Variants in PCLO observed in about 807,000 individuals in gnomAD.
PCLO encodes the protein protein piccolo.
PCLO carries 82 observed loss-of-function variants against 427.5 expected under a neutral mutation model. That is an observed-to-expected ratio of 0.19 (90% CI 0.16 to 0.23). PCLO has a LOEUF of 0.23. Among genes scored for constraint, PCLO ranks in the 10% least tolerant of loss-of-function variants. The pLI is 1.00. For synonymous variants in PCLO, 2,357 were observed against 2,155.4 expected (o/e 1.09, Z -2.59); for missense variants, 6,239 against 6,115.9 (o/e 1.02, Z -0.67).
chr7:82,923,139 A>G (rs937831928), intron 6 of PCLO, among the ~76,000 whole-genome samples: 3 of 152,042 alleles, frequency 2.0e-5, no homozygotes, highest in Non-Finnish European at 4.4e-5. Flanking sequence ...ATGTATATGT[A>G]TTGGGAACTG....
At chr7:83,124,597 A>G (rs1328557793) in intron 3 of PCLO, among the ~76,000 whole-genome samples, 3 of 152,182 alleles carry the variant, frequency 2.0e-5, no homozygotes, top group Admixed American at 6.5e-5. Context: ...TATGGAGAAT[A>G]GTATGGAAGT....
intron 3 of PCLO, among the ~76,000 whole-genome samples, chr7:82,986,975 TA>T (rs1796269602): frequency 6.6e-6 from 1 of 151,980 alleles, no homozygotes; most frequent in South Asian, 2.1e-4. Context: ...TTACAATCTC[TA>T]TTAAACATCT....
intron 23 of PCLO, 77 bp from the exon 24 acceptor site, chr7:82,760,861 A>G (rs1790416496): frequency 1.6e-6 from 1 of 632,316 alleles, no homozygotes; most frequent in Non-Finnish European, 2.4e-6. Context: ...CTGTATACTG[A>G]GAGTTCTTGT....
At chr7:82,936,905 G>A (rs917672185) in intron 6 of PCLO, among the ~76,000 whole-genome samples, 6 of 151,652 alleles carry the variant, frequency 4.0e-5, no homozygotes, top group Non-Finnish European at 7.4e-5. Flanking sequence ...ACAAAAGGCC[G>A]AATACTGTAT....
intron 10 of PCLO, among the ~76,000 whole-genome samples, chr7:82,858,698 A>G (rs1792872582): frequency 6.6e-6 from 1 of 152,182 alleles, no homozygotes; most frequent in South Asian, 2.1e-4. Flanking sequence ...TGAAAAAGAA[A>G]TTTTGAAATA....
intron 9 of PCLO, among the ~76,000 whole-genome samples, chr7:82,899,664 A>T (rs1793993520): frequency 6.6e-6 from 1 of 151,488 alleles, no homozygotes; most frequent in Non-Finnish European, 1.5e-5. Context: ...AAAAAATAAC[A>T]TTTTCTTTTT....
chr7:83,106,073 A>G (rs1386213912), intron 3 of PCLO, among the ~76,000 whole-genome samples: 4 of 152,212 alleles, frequency 2.6e-5, no homozygotes, highest in Non-Finnish European at 4.4e-5. Flanking sequence ...ATGCAGAAGC[A>G]GCCATGCAAG....
chr7:82,832,147 GT>G (rs1381398072), intron 16 of PCLO, among the ~76,000 whole-genome samples: 3 of 152,152 alleles, frequency 2.0e-5, no homozygotes, highest in East Asian at 3.8e-4. Context: ...AATTAAAGAA[GT>G]TTATTAATAA....
intron 9 of PCLO, among the ~76,000 whole-genome samples, chr7:82,887,115 C>A (rs1793645296): frequency 6.6e-6 from 1 of 152,180 alleles, no homozygotes; most frequent in African/African-American, 2.4e-5. Flanking sequence ...TTTTGCGTTG[C>A]CTTTCTTTAA....
At chr7:83,106,409 A>G (rs1354451895) in intron 3 of PCLO, among the ~76,000 whole-genome samples, 1 of 152,174 alleles carries the variant, frequency 6.6e-6, no homozygotes, top group Non-Finnish European at 1.5e-5. Context: ...GCCCACCTTC[A>G]ATGACAGCTC....
chr7:82,845,240 G>T, intron 13 of PCLO, 31 bp downstream of exon 13: 1 of 1,458,230 alleles, frequency 6.9e-7, no homozygotes, highest in Non-Finnish European at 9.6e-7. Context: ...TAGAAAACAA[G>T]TGGGTCAGAG....
intron 6 of PCLO, among the ~76,000 whole-genome samples, chr7:82,942,246 A>C (rs970191253): frequency 6.6e-6 from 1 of 152,226 alleles, no homozygotes; most frequent in African/African-American, 2.4e-5. Flanking sequence ...ACTGTTAAAT[A>C]GTGCTGTGGT....
At chr7:83,160,570 A>T (rs1352131467) in intron 1 of PCLO, among the ~76,000 whole-genome samples, 1 of 152,048 alleles carries the variant, frequency 6.6e-6, no homozygotes, top group African/African-American at 2.4e-5. Context: ...TAGTATTTGG[A>T]TGAAGTTTTC....
chr7:82,765,805 C>A lies in PCLO; in HGVS notation c.15008-4312G>T, dbSNP rs562088468. Among the ~76,000 whole-genome samples, 18 of 151,926 alleles carry A rather than the reference C, an allele frequency of 1.2e-4. No individual in the cohort carries two copies. In the South Asian group the frequency reaches 3.5e-3, roughly 30 times the overall value. On this transcript the variant is annotated intron_variant, in intron 22 of 24. Coordinates refer to ENST00000333891, the MANE Select transcript of PCLO (RefSeq NM_033026.6). ...CTATCTTTTTTTAAAAGGAGCTTCACAGGAAAATAAAGGATCTCTAAAATA... is the reference window on the plus strand; with the variant it reads ...CTATCTTTTTTTAAAAGGAGCTTCAAAGGAAAATAAAGGATCTCTAAAATA...
chr7:82,938,624 A>C (rs1180340734), intron 6 of PCLO, among the ~76,000 whole-genome samples: 3 of 151,984 alleles, frequency 2.0e-5, no homozygotes, highest in Non-Finnish European at 4.4e-5. Context: ...ATTCAAAAAC[A>C]TTTACTTAAA....
rs746623269 is a variant in PCLO, at chr7:82,954,030, G to T, written c.6923C>A (p.Thr2308Asn). 5.1e-5 allele frequency: 83 copies of T among 1,613,664 alleles called. No individual in the cohort carries two copies. The highest frequency in any genetic ancestry group is 4.9e-5 in the Non-Finnish European group (58 of 1,179,842). The change falls in exon 5 of 25, where the codon ACT becomes AAT. Residue 2308 changes from threonine (T) to asparagine (N), a missense_variant. Coordinates refer to ENST00000333891, the MANE Select transcript of PCLO (RefSeq NM_033026.6). ...AACTTCCAGAATGATTCCATTCCCA[G>T]TTTCCTTCTTGGCTTTCTTCACTGG... ...KDPVKKAKKE[T>N]GNGIILEVLE...
At chr7:83,150,046 T>C (rs556909761) in intron 2 of PCLO, among the ~76,000 whole-genome samples, 1 of 152,228 alleles carries the variant, frequency 6.6e-6, no homozygotes, top group Non-Finnish European at 1.5e-5. Context: ...CCCTAACATT[T>C]GGTTCATTTT....
intron 22 of PCLO, among the ~76,000 whole-genome samples, chr7:82,784,951 T>C (rs1010588864): frequency 2.6e-5 from 4 of 152,244 alleles, no homozygotes; most frequent in African/African-American, 9.6e-5. Flanking sequence ...GAAATAAATA[T>C]ATTGCCTCCA....
At chr7:82,779,762 G>C (rs1233425183) in intron 22 of PCLO, among the ~76,000 whole-genome samples, 1 of 62,620 alleles carries the variant, frequency 1.6e-5, no homozygotes, top group Non-Finnish European at 3.5e-5. Context: ...TTTTTTTTTA[G>C]ACAGAGTCTT....
Sources: allele counts gnomAD v4.1 joint callset (sites outside exome capture counted in the v4.1 genomes callset), GRCh38; gene constraint gnomAD v4.1.1; transcripts MANE v1.5; gene names NCBI Gene and HGNC (gene_info 2026-07-23, HGNC 2026-07-21).